The following ARHGAP17 variants were observed in gnomAD, a reference collection of about 807,000 sequenced individuals.
ARHGAP17 encodes the protein rho GTPase-activating protein 17.
ARHGAP17 carries 57 observed loss-of-function variants against 99.5 expected under a neutral mutation model. The observed-to-expected ratio is 0.57, with a 90% confidence interval of 0.46 to 0.71. The LOEUF (loss-of-function observed/expected upper bound fraction) is 0.71. Ranked by LOEUF, ARHGAP17 falls within the 30% of genes least tolerant of loss-of-function variation. The pLI, the probability that ARHGAP17 is intolerant of heterozygous loss-of-function variation, is 0.00. For synonymous variants in ARHGAP17, 417 were observed against 429.6 expected (o/e 0.97, Z 0.36); for missense variants, 1,000 against 1,122.4 (o/e 0.89, Z 1.56).
rs1202837203 is a variant in ARHGAP17, at chr16:24,931,835, G to A, written c.1895-431C>T. ...GGAGTCTAGTTAATGGTAATGAACC[G>A]CAAGGTGCAGTGGCTCACGCCTGTG... is the stretch of plus-strand genomic sequence containing the variant. On this transcript the variant is annotated intron_variant, in intron 18 of 19. Coordinates refer to ENST00000289968, the MANE Select transcript of ARHGAP17 (RefSeq NM_001006634.3). Among the ~76,000 whole-genome samples the A allele has an allele frequency of 3.3e-5, 5 of 152,330 alleles. No individual in the cohort carries two copies. In the South Asian group the frequency reaches 8.3e-4, roughly 25 times the overall value.
At chr16:24,934,659 G>A (rs929601590) in intron 18 of ARHGAP17, among the ~76,000 whole-genome samples, 3 of 151,498 alleles carry the variant, frequency 2.0e-5, no homozygotes, top group Non-Finnish European at 2.9e-5. Context: ...CTCTCACTAT[G>A]TTGACCAGAT....
intron 1 of ARHGAP17, among the ~76,000 whole-genome samples, chr16:25,001,856 G>A (rs902865976): frequency 1.3e-5 from 2 of 152,184 alleles, no homozygotes; most frequent in East Asian, 1.9e-4. Flanking sequence ...GACCAAGGTA[G>A]GAGGATCACC....
intron 3 of ARHGAP17, among the ~76,000 whole-genome samples, chr16:24,975,414 A>G (rs1212368957): frequency 6.6e-6 from 1 of 152,226 alleles, no homozygotes; most frequent in East Asian, 1.9e-4. Flanking sequence ...GAACTTAATG[A>G]AACAATGTGA....
At chr16:24,939,660 C>A (rs926685406) in intron 16 of ARHGAP17, 63 bp from the exon 17 acceptor site, 33 of 1,501,296 alleles carry the variant, frequency 2.2e-5, no homozygotes, top group Non-Finnish European at 3.0e-5. Flanking sequence ...AGAAGCCCAT[C>A]GGTCCACATG....
chr16:24,934,352 G>A (rs968133427), intron 18 of ARHGAP17, among the ~76,000 whole-genome samples: 2 of 151,976 alleles, frequency 1.3e-5, no homozygotes, highest in African/African-American at 4.8e-5. Context: ...AGTAGAGATG[G>A]GGTTTCACCA....
intron 1 of ARHGAP17, among the ~76,000 whole-genome samples, chr16:25,013,478 G>A (rs780425052): frequency 1.1e-4 from 17 of 152,086 alleles, no homozygotes; most frequent in Non-Finnish European, 1.9e-4. Context: ...AAAAATTAGC[G>A]GATGTGGTGG....
chr16:25,004,087 G>A (rs947413436), intron 1 of ARHGAP17, among the ~76,000 whole-genome samples: 4 of 152,040 alleles, frequency 2.6e-5, no homozygotes, highest in Non-Finnish European at 5.9e-5. Flanking sequence ...TTTCCCCTAG[G>A]ACTATCTCTA....
At position 24,935,474 on chromosome 16, in the gene ARHGAP17, G is replaced by A. The variant is rs551852793; in HGVS notation, c.1890C>T (p.Arg630=). ...AGGAGGACGGTGGCTGCTTACCTCG[G>A]CGCAGTGTATGCGGGCTGGGCCCTG... ...NAAGPSPHTL[R]RAVKKPAPAP... is the part of the protein sequence containing the mutation. The change falls in exon 18 of 20, where the codon CGC becomes CGT. Residue 630 remains arginine (R), a synonymous_variant. Transcript: ENST00000289968. 8.2e-6 allele frequency: 13 copies of A among 1,593,320 alleles called. No individual in the cohort carries two copies. In the Middle Eastern group the frequency reaches 1.0e-3, roughly 124 times the overall value.
In ARHGAP17 at chr16:24,942,131, T is replaced by C; in HGVS notation, c.1346A>G (p.Asn449Ser). The change falls in exon 16 of 20, where the codon AAT (asparagine) becomes AGT (serine). Residue 449 changes from asparagine (N) to serine (S), a missense_variant. Coordinates refer to ENST00000289968, the MANE Select transcript of ARHGAP17 (RefSeq NM_001006634.3). ...DWFFPEEVEF[N>S]VSEAFVPLTT... The stretch of plus-strand genomic sequence containing the variant: ...GAGAGGTACAAATGCTTCTGATACA[T>C]TAAATTCCACCTCTGCAAGAGGAAA... 1 of 1,463,746 alleles carries C rather than the reference T, an allele frequency of 6.8e-7. No individual in the cohort carries two copies. The highest frequency in any genetic ancestry group is 9.2e-7 in the Non-Finnish European group (1 of 1,084,426). The allele number at this position is 1,463,746 out of a possible 1,614,324, so 90.7% of individuals were successfully genotyped here. A position where few individuals can be genotyped will look rare whatever the true frequency, so the allele number is the denominator to read the frequency against.
chr16:25,014,962 G>C (rs1292243366), intron 1 of ARHGAP17, among the ~76,000 whole-genome samples: 1 of 152,102 alleles, frequency 6.6e-6, no homozygotes, highest in Non-Finnish European at 1.5e-5. Flanking sequence ...CGGTGTGGCG[G>C]AGGAGGCGGC....
intron 19 of ARHGAP17, among the ~76,000 whole-genome samples, chr16:24,925,514 ACT>A (rs1247625550): frequency 6.6e-6 from 1 of 152,114 alleles, no homozygotes; most frequent in Non-Finnish European, 1.5e-5. Context: ...GCTATTAGAG[ACT>A]CTGAGTCAAC....
intron 1 of ARHGAP17, among the ~76,000 whole-genome samples, chr16:24,984,250 C>T (rs989310807): frequency 2.0e-5 from 3 of 152,166 alleles, no homozygotes; most frequent in African/African-American, 7.2e-5. Context: ...AGGCTGTGGT[C>T]TTCCAAACAA....
At chr16:24,971,804 A>C (rs926103420) in intron 3 of ARHGAP17, among the ~76,000 whole-genome samples, 22 of 152,196 alleles carry the variant, frequency 1.4e-4, no homozygotes, top group Non-Finnish European at 2.9e-4. Context: ...CTAATGTTAT[A>C]ATCATACAGT....
intron 4 of ARHGAP17, among the ~76,000 whole-genome samples, chr16:24,969,619 A>T (rs1024316558): frequency 2.0e-5 from 3 of 152,222 alleles, no homozygotes; most frequent in African/African-American, 7.2e-5. Flanking sequence ...TAAATGAGCT[A>T]TTACTTGGAA....
Position 24,994,974 on chromosome 16 carries a change from C to A in ARHGAP17, c.54-15969G>T, listed in dbSNP as rs76911421. On this transcript the variant is annotated intron_variant, in intron 1 of 19. Transcript: ENST00000289968. ...ACTCAGTTCCGCAGGGCTGGGGAGG[C>A]CTCAGGAAACTTACAATCATGGTGG... Among the ~76,000 whole-genome samples, 651 of 152,196 alleles carry A rather than the reference C, an allele frequency of 4.3e-3. 9 individuals carry two copies. The highest frequency in any genetic ancestry group is 0.015 in the African/African-American group (626 of 41,516).
intron 2 of ARHGAP17, chr16:24,977,528 G>T: frequency 2.6e-6 from 1 of 391,780 alleles, no homozygotes; most frequent in Non-Finnish European, 4.5e-6. Context: ...GAAAATGAAT[G>T]ATCCGGGCCC....
chr16:24,939,742 TG>T, intron 16 of ARHGAP17, 145 bp from the exon 17 acceptor site: 1 of 800,220 alleles, frequency 1.2e-6, no homozygotes, highest in Non-Finnish European at 2.1e-6. Flanking sequence ...ACCAGACTAA[TG>T]GCCACCCCTG....
intron 1 of ARHGAP17, among the ~76,000 whole-genome samples, chr16:24,986,540 G>A (rs888903696): frequency 6.6e-6 from 1 of 152,208 alleles, no homozygotes; most frequent in African/African-American, 2.4e-5. Context: ...TCACATTTCA[G>A]TGTATTACAG....
intron 4 of ARHGAP17, among the ~76,000 whole-genome samples, chr16:24,969,628 A>G (rs2052300250): frequency 6.6e-6 from 1 of 152,238 alleles, no homozygotes; most frequent in African/African-American, 2.4e-5. Context: ...TATTACTTGG[A>G]AAACACTTAT....
Sources: gnomAD v4.1 joint callset for allele counts (sites outside exome capture counted in the v4.1 genomes callset) on GRCh38, gnomAD v4.1.1 for gene constraint, MANE v1.5 for transcripts, NCBI Gene and HGNC (gene_info 2026-07-23, HGNC 2026-07-21) for gene names.